The following TTC34 variants were observed in gnomAD, a reference collection of about 807,000 sequenced individuals.
TTC34 encodes the protein tetratricopeptide repeat protein 34.
A neutral mutation model predicts 40.7 loss-of-function variants in TTC34; 44 were observed. That is an observed-to-expected ratio of 1.08 (90% CI 0.85 to 1.39). The LOEUF (loss-of-function observed/expected upper bound fraction) is 1.39, where lower values mean the gene tolerates loss of function less well. TTC34 is among the 40% of genes most tolerant of loss of function. The pLI is 0.00. For synonymous variants in TTC34, 422 were observed against 398.6 expected (o/e 1.06, Z -0.70); for missense variants, 884 against 838.0 (o/e 1.05, Z -0.68).
chr1:2,686,530 G>T (rs577736428), intron 6 of TTC34, among the ~76,000 whole-genome samples: 8 of 121,740 alleles, frequency 6.6e-5, no homozygotes, highest in African/African-American at 2.1e-4. Context: ...ACCCCCAGGG[G>T]AGCATCTGAC....
chr1:2,780,045 C>T (rs1460199857), intron 6 of TTC34, among the ~76,000 whole-genome samples: 1 of 152,094 alleles, frequency 6.6e-6, no homozygotes, highest in African/African-American at 2.4e-5. Flanking sequence ...ACCCCGGAAG[C>T]GGAAGTTGCA....
intron 2 of TTC34, among the ~76,000 whole-genome samples, chr1:2,792,936 A>C (rs1369103677): frequency 6.6e-6 from 1 of 152,192 alleles, no homozygotes; most frequent in Non-Finnish European, 1.5e-5. Context: ...GTCAGCTACT[A>C]GTTTCTGCCT....
chr1:2,694,854 C>T (rs1417354845), intron 6 of TTC34, among the ~76,000 whole-genome samples: 7 of 58,456 alleles, frequency 1.2e-4, no homozygotes, highest in Admixed American at 1.7e-4. Context: ...ATCTGATGGT[C>T]TGGAGCAGCA....
intron 6 of TTC34, among the ~76,000 whole-genome samples, chr1:2,756,983 A>C (rs1237390019): frequency 8.7e-4 from 114 of 130,670 alleles, no homozygotes; most frequent in African/African-American, 2.0e-3. Context: ...AACAGCACCC[A>C]CACGCCCAGG....
intron 6 of TTC34, among the ~76,000 whole-genome samples, chr1:2,690,318 C>T (rs1569581610): frequency 6.3e-5 from 8 of 127,648 alleles, no homozygotes; most frequent in East Asian, 2.5e-4. Context: ...GAGCATTTGA[C>T]CTCCCAGAGC....
chr1:2,660,821 A>T (rs1424298611), intron 6 of TTC34, among the ~76,000 whole-genome samples: 168 of 8,462 alleles, frequency 0.02, 1 homozygote, highest in Non-Finnish European at 0.024. Flanking sequence ...AGCCTGGAAC[A>T]GCACCCACAT....
chr1:2,789,039 T>C (rs534960804), intron 3 of TTC34, among the ~76,000 whole-genome samples: 17 of 152,108 alleles, frequency 1.1e-4, no homozygotes, highest in Middle Eastern at 3.4e-3. Context: ...GATTGCGCCA[T>C]TGCACTCCAG....
chr1:2,776,015 T>G (rs1643121728), intron 6 of TTC34: 1 of 120,850 alleles, frequency 8.3e-6, no homozygotes, highest in South Asian at 3.0e-4. Context: ...AAGGTGAGCA[T>G]ATGACAGCCC....
chr1:2,789,688 C>G (rs1158503284), exon 3 of TTC34: 23 of 1,235,764 alleles, frequency 1.9e-5, no homozygotes, highest in African/African-American at 3.2e-5. Flanking sequence ...CGGGCCGCAG[C>G]CTGCAGGCGG....
intron 8 of TTC34, among the ~76,000 whole-genome samples, chr1:2,642,292 G>A (rs1370414010): frequency 6.6e-6 from 1 of 152,132 alleles, no homozygotes; most frequent in Non-Finnish European, 1.5e-5. Flanking sequence ...CCCTTGACTG[G>A]GTGACCACAC....
chr1:2,688,695 C>G (rs1458390512), intron 6 of TTC34, among the ~76,000 whole-genome samples: 1 of 124,202 alleles, frequency 8.1e-6, no homozygotes, highest in Admixed American at 7.9e-5. Flanking sequence ...CCTGCACCCC[C>G]AGGAGAGCAT....
intron 3 of TTC34, among the ~76,000 whole-genome samples, chr1:2,788,711 C>T (rs1379027346): frequency 1.3e-5 from 2 of 152,120 alleles, no homozygotes; most frequent in Admixed American, 1.3e-4. Context: ...CTACAAGTGG[C>T]GGCGCTTCCT....
At chr1:2,750,119 C>T (rs1641266772) in intron 6 of TTC34, among the ~76,000 whole-genome samples, 6 of 147,134 alleles carry the variant, frequency 4.1e-5, no homozygotes, top group Admixed American at 6.8e-5. Context: ...GAACAGCACC[C>T]ACACACCCAG....
At chr1:2,647,435 C>T (rs1557581421) in intron 6 of TTC34, among the ~76,000 whole-genome samples, 1 of 152,016 alleles carries the variant, frequency 6.6e-6, no homozygotes, top group Non-Finnish European at 1.5e-5. Flanking sequence ...CCATCCTGGC[C>T]AACATGGTGA....
chr1:2,683,262 C>A (rs547479849), intron 6 of TTC34, among the ~76,000 whole-genome samples: 59 of 145,478 alleles, frequency 4.1e-4, no homozygotes, highest in Non-Finnish European at 7.9e-4. Flanking sequence ...TTTGCAGCAG[C>A]ACCCACACCC....
intron 6 of TTC34, among the ~76,000 whole-genome samples, chr1:2,650,471 A>C (rs1639106248): frequency 6.6e-6 from 1 of 151,038 alleles, no homozygotes; most frequent in African/African-American, 2.4e-5. Context: ...ACCCCAGGTG[A>C]GCTTGTGACA....
At chr1:2,686,317 A>AC (rs1557611229) in intron 6 of TTC34, among the ~76,000 whole-genome samples, 22 of 141,982 alleles carry the variant, frequency 1.5e-4, no homozygotes, top group African/African-American at 6.1e-4. Flanking sequence ...AGCAGCACCC[A>AC]CACCTCCAGG....
intron 6 of TTC34, among the ~76,000 whole-genome samples, chr1:2,654,077 G>T (rs1442283714): frequency 8.0e-3 from 777 of 96,606 alleles, no homozygotes; most frequent in Middle Eastern, 0.055. Context: ...ACAGCGTGGA[G>T]CAGCACCCAC....
exon 9 of TTC34, chr1:2,637,672 G>T (rs1024422798): frequency 6.6e-6 from 1 of 152,222 alleles, no homozygotes; most frequent in Non-Finnish European, 1.5e-5. Flanking sequence ...AGGGCTGTGG[G>T]GGGTCCCCTG....
Sources: gnomAD v4.1 joint callset for allele counts (sites outside exome capture counted in the v4.1 genomes callset) on GRCh38, gnomAD v4.1.1 for gene constraint, MANE v1.5 for transcripts, NCBI Gene and HGNC (gene_info 2026-07-23, HGNC 2026-07-21) for gene names.